Variants in OTUD7A observed in about 807,000 individuals in gnomAD.
The protein encoded by OTUD7A is OTU deubiquitinase 7A, also known as OTU domain-containing protein 7A.
A neutral mutation model predicts 65.7 loss-of-function variants in OTUD7A; 12 were observed. That is an observed-to-expected ratio of 0.18 (90% confidence interval 0.12 to 0.30). OTUD7A has a LOEUF of 0.30. Ranked by LOEUF, OTUD7A falls within the 10% of genes least tolerant of loss-of-function variation. OTUD7A has a pLI of 1.00. For synonymous variants in OTUD7A, 641 were observed against 586.3 expected (o/e 1.09, Z -1.35); for missense variants, 1,148 against 1,304.8 (o/e 0.88, Z 1.85).
At chr15:31,635,569 T>G (rs1197341301) in intron 3 of OTUD7A, among the ~76,000 whole-genome samples, 1 of 152,068 alleles carries the variant, frequency 6.6e-6, no homozygotes, top group Non-Finnish European at 1.5e-5. Context: ...CCAGGGAGGG[T>G]GTATGAAGGC....
intron 1 of OTUD7A, among the ~76,000 whole-genome samples, chr15:31,802,029 A>C (rs1896137937): frequency 6.6e-6 from 1 of 151,936 alleles, no homozygotes; most frequent in Non-Finnish European, 1.5e-5. Context: ...ACATGAAATC[A>C]CAAAAAAATA....
At chr15:31,833,977 A>T (rs147554838) in intron 1 of OTUD7A, among the ~76,000 whole-genome samples, 4 of 152,350 alleles carry the variant, frequency 2.6e-5, no homozygotes, top group Non-Finnish European at 5.9e-5. Flanking sequence ...AGCCTTTCTA[A>T]TGAAACAGGG....
At chr15:31,863,989 T>A (rs1371085755) in intron 1 of OTUD7A, among the ~76,000 whole-genome samples, 1 of 152,248 alleles carries the variant, frequency 6.6e-6, no homozygotes. Flanking sequence ...AAATCATCTC[T>A]CTTAAGTTCA....
intron 1 of OTUD7A, among the ~76,000 whole-genome samples, chr15:31,842,284 T>C (rs572351855): frequency 6.6e-6 from 1 of 152,340 alleles, no homozygotes; most frequent in South Asian, 2.1e-4. Context: ...TAGGTGTGGA[T>C]TATGAGGTGT....
At chr15:31,490,595 G>A (rs543842015) in intron 10 of OTUD7A, among the ~76,000 whole-genome samples, 1 of 152,314 alleles carries the variant, frequency 6.6e-6, no homozygotes, top group African/African-American at 2.4e-5. Flanking sequence ...AGCTTAAGAA[G>A]GGCCAATTCA....
intron 1 of OTUD7A, among the ~76,000 whole-genome samples, chr15:31,800,849 G>C (rs1896102943): frequency 6.6e-6 from 1 of 152,120 alleles, no homozygotes. Context: ...GCTGACAGCA[G>C]CCATGGCAGC....
intron 3 of OTUD7A, among the ~76,000 whole-genome samples, chr15:31,575,399 A>G (rs1325344075): frequency 6.6e-6 from 1 of 152,232 alleles, no homozygotes; most frequent in Non-Finnish European, 1.5e-5. Flanking sequence ...CTGCATAGGA[A>G]ATTAAAAGGC....
chr15:31,585,658 G>A (rs1889511149), intron 3 of OTUD7A, among the ~76,000 whole-genome samples: 1 of 152,142 alleles, frequency 6.6e-6, no homozygotes, highest in Non-Finnish European at 1.5e-5. Flanking sequence ...TCTAAGTGGT[G>A]GTCTGAAAAT....
intron 1 of OTUD7A, among the ~76,000 whole-genome samples, chr15:31,696,056 G>A (rs1349491800): frequency 2.0e-5 from 3 of 152,248 alleles, no homozygotes; most frequent in Non-Finnish European, 4.4e-5. Context: ...GTTGGGGGTG[G>A]GTGGCCTGCA....
intron 10 of OTUD7A, 40 bp downstream of exon 10, chr15:31,501,650 C>A: frequency 6.2e-7 from 1 of 1,613,384 alleles, no homozygotes; most frequent in Non-Finnish European, 8.5e-7. Flanking sequence ...CTGCCCCCAC[C>A]CTAGGCTCCT....
intron 1 of OTUD7A, among the ~76,000 whole-genome samples, chr15:31,833,885 G>C (rs990599266): frequency 1.3e-5 from 2 of 152,218 alleles, no homozygotes; most frequent in Non-Finnish European, 2.9e-5. Flanking sequence ...ACAAGCCATA[G>C]AGAAGATGGC....
At chr15:31,518,787 A>G (rs547035471) in intron 8 of OTUD7A, among the ~76,000 whole-genome samples, 1 of 152,350 alleles carries the variant, frequency 6.6e-6, no homozygotes, top group East Asian at 1.9e-4. Flanking sequence ...AGGAGGCTCA[A>G]GGGGCTGAAC....
chr15:31,687,514 A>G (rs8042719), intron 1 of OTUD7A, among the ~76,000 whole-genome samples: 11,926 of 152,258 alleles, frequency 0.078, 1,126 homozygotes, highest in African/African-American at 0.23. Context: ...TGTACCCTCT[A>G]CCATATGCCT....
chr15:31,570,040 C>T lies in OTUD7A; in HGVS notation c.309G>A (p.Gln103=), dbSNP rs1888997333. ...PGHKVERPCL[Q]RQDDIAQEKR... is the part of the protein sequence containing the mutation. ...TACCTTGGGCAATGTCGTCCTGCCT[C>T]TGCAGGCAGGGTCGCTCCACCTTGT... The change falls in exon 4 of 13, where the codon CAG becomes CAA. Residue 103 remains glutamine, a synonymous_variant. Coordinates refer to ENST00000307050, the MANE Select transcript of OTUD7A (RefSeq NM_001382637.1). 2 of 1,614,178 alleles carry T rather than the reference C, an allele frequency of 1.2e-6. No homozygotes were observed. The highest frequency in any genetic ancestry group is 1.3e-5 in the African/African-American group (1 of 75,070).
intron 1 of OTUD7A, among the ~76,000 whole-genome samples, chr15:31,723,631 C>T (rs934026398): frequency 2.0e-5 from 2 of 98,214 alleles, no homozygotes; most frequent in Admixed American, 1.2e-4. Context: ...TCATTTCCCC[C>T]GACTTGCTGC....
At chr15:31,512,239 C>G (rs1052487312) in intron 8 of OTUD7A, among the ~76,000 whole-genome samples, 2 of 151,002 alleles carry the variant, frequency 1.3e-5, no homozygotes, top group African/African-American at 4.9e-5. Context: ...TTTTGCATTG[C>G]TGAGACTCTG....
chr15:31,692,785 G>C (rs1267924380), intron 1 of OTUD7A, among the ~76,000 whole-genome samples: 1 of 151,220 alleles, frequency 6.6e-6, no homozygotes, highest in African/African-American at 2.4e-5. Flanking sequence ...CCTAAGAACA[G>C]CCTTTGACCC....
rs994651583 is a variant in OTUD7A at position 31,483,512 on chromosome 15, A to G, written c.2584T>C (p.Phe862Leu). 10 of 1,395,386 alleles carry G rather than the reference A, an allele frequency of 7.2e-6. No individual in the cohort carries two copies. In the African/African-American group the frequency reaches 1.4e-4, roughly 19 times the overall value. The allele number at this position is 1,395,386 out of a possible 1,614,324, so 86.4% of individuals were successfully genotyped here. A position where few individuals can be genotyped will look rare whatever the true frequency, so the allele number is the denominator to read the frequency against. ...EHKSQTYTNGFGALRDGLEFA... is the reference protein window; with the variant it reads ...EHKSQTYTNGLGALRDGLEFA... Reference sequence around the variant, plus strand: ...TCCAGGCCGTCGCGCAGGGCGCCGAAGCCGTTGGTGTAGGTCTGCGACTTG... The same window carrying G: ...TCCAGGCCGTCGCGCAGGGCGCCGAGGCCGTTGGTGTAGGTCTGCGACTTG... Residue 862 changes from phenylalanine to leucine, a missense_variant, in exon 13 of 13, where the codon TTC becomes CTC. Physicochemically the swap from Phe to Leu is conservative, Grantham distance 22. This residue lies in a region of OTUD7A where 842 missense variants were observed against 769.5 expected (regional missense o/e 1.09). Transcript: ENST00000307050.
chr15:31,738,685 T>C (rs1894258126), intron 1 of OTUD7A, among the ~76,000 whole-genome samples: 1 of 152,206 alleles, frequency 6.6e-6, no homozygotes, highest in Admixed American at 6.5e-5. Context: ...TCTCCGCAAG[T>C]GCAGCCTGTT....
Sources: allele counts gnomAD v4.1 joint callset (sites outside exome capture counted in the v4.1 genomes callset), GRCh38; gene constraint gnomAD v4.1.1; regional missense constraint gnomAD v4.1.1; transcripts MANE v1.5; gene names NCBI Gene and HGNC (gene_info 2026-07-23, HGNC 2026-07-21).